ANP32A: variants seen among roughly 807,000 people sequenced by gnomAD.
ANP32A encodes acidic leucine-rich nuclear phosphoprotein 32 family member A.
In ANP32A, 1 loss-of-function variant was observed where a neutral mutation model predicts 33.9. The ratio of observed to expected loss-of-function variants is 0.03; its 90% CI spans 0.01 to 0.14. The LOEUF (loss-of-function observed/expected upper bound fraction) is 0.14. Among genes scored for constraint, ANP32A ranks in the 10% least tolerant of loss-of-function variants. The pLI is 1.00. For missense variants in ANP32A, 155 were observed against 306.0 expected, an observed-to-expected ratio of 0.51 and a Z score of 3.68; for synonymous variants, 115 against 120.5, an observed-to-expected ratio of 0.95 and a Z score of 0.30.
chr15:68,785,725 C>A (rs1354872886), intron 3 of ANP32A, among the ~76,000 whole-genome samples: 2 of 152,148 alleles, frequency 1.3e-5, no homozygotes, highest in Non-Finnish European at 2.9e-5. Context: ...CACGTGTGAT[C>A]TGGGCAGGGG....
chr15:68,818,683 G>A (rs1356595727), intron 1 of ANP32A, among the ~76,000 whole-genome samples: 1 of 152,070 alleles, frequency 6.6e-6, no homozygotes, highest in East Asian at 1.9e-4. Context: ...CTTGCTCCCG[G>A]GGGGCCGGCA....
chr15:68,782,056 G>A lies in ANP32A; in HGVS notation c.624+900C>T, dbSNP rs140378723. Among the ~76,000 whole-genome samples, 106 of 152,320 alleles carry A rather than the reference G, an allele frequency of 7.0e-4. 1 individual carries two copies. Among genetic ancestry groups the A allele is most frequent in the African/African-American group, 2.4e-3 (101 of 41,578 alleles). ...GAAACTGCGGGGGGAGTTGGGAGGG[G>A]ACACAGGCGCCTTGTCCATGCTATT... On this transcript the variant is annotated intron_variant, in intron 5 of 6. Coordinates refer to ENST00000465139, the MANE Select transcript of ANP32A (RefSeq NM_006305.4).
chr15:68,811,479 T>C (rs542571748), intron 1 of ANP32A, among the ~76,000 whole-genome samples: 13 of 152,222 alleles, frequency 8.5e-5, no homozygotes, highest in Admixed American at 7.2e-4. Flanking sequence ...TTCCATTTTC[T>C]GTGAAGAGGA....
chr15:68,786,252 CTTTTT>C (rs558065991), intron 3 of ANP32A, among the ~76,000 whole-genome samples: 1,311 of 90,132 alleles, frequency 0.015, 20 homozygotes, highest in African/African-American at 0.055. Flanking sequence ...GCTGCTGCTG[CTTTTT>C]TTTTTTTTTT....
intron 1 of ANP32A, among the ~76,000 whole-genome samples, chr15:68,792,909 A>G (rs775854165): frequency 1.3e-5 from 2 of 152,152 alleles, no homozygotes; most frequent in Non-Finnish European, 2.9e-5. Flanking sequence ...CTGGCTTCTC[A>G]CTGCCTTGGG....
chr15:68,809,752 G>A (rs534969747), intron 1 of ANP32A, among the ~76,000 whole-genome samples: 1 of 152,222 alleles, frequency 6.6e-6, no homozygotes, highest in African/African-American at 2.4e-5. Flanking sequence ...TGTACCAACC[G>A]GTAGGTGATG....
At chr15:68,797,279 G>A (rs1894075479) in intron 1 of ANP32A, among the ~76,000 whole-genome samples, 2 of 151,994 alleles carry the variant, frequency 1.3e-5, no homozygotes, top group South Asian at 2.1e-4. Context: ...GGGGTGGGAG[G>A]AGAGGAGAGA....
At chr15:68,808,254 C>G (rs1015860127) in intron 1 of ANP32A, among the ~76,000 whole-genome samples, 1 of 152,300 alleles carries the variant, frequency 6.6e-6, no homozygotes. Flanking sequence ...GGGCACCACC[C>G]TCAGAGACTG....
chr15:68,818,089 G>A (rs893822444), intron 1 of ANP32A: 1 of 152,804 alleles, frequency 6.5e-6, no homozygotes. Flanking sequence ...CTCAAAACCA[G>A]CCTAGAAAGC....
chr15:68,807,060 C>A (rs1270265447), intron 1 of ANP32A, among the ~76,000 whole-genome samples: 3 of 152,226 alleles, frequency 2.0e-5, no homozygotes, highest in African/African-American at 7.2e-5. Flanking sequence ...CAGATGCACA[C>A]CTAAGTGAGT....
At chr15:68,800,521 G>A (rs1273175243) in intron 1 of ANP32A, among the ~76,000 whole-genome samples, 1 of 150,906 alleles carries the variant, frequency 6.6e-6, no homozygotes, top group African/African-American at 2.4e-5. Flanking sequence ...GAGGCTGGCG[G>A]ATCATGAGGT....
chr15:68,820,227 G>C (rs1422524665), intron 1 of ANP32A, among the ~76,000 whole-genome samples: 3 of 152,158 alleles, frequency 2.0e-5, no homozygotes, highest in Non-Finnish European at 2.9e-5. Context: ...GGCGCGGGAG[G>C]GGGGCGGAAG....
intron 1 of ANP32A, chr15:68,791,051 G>A (rs1320978323): frequency 6.6e-6 from 1 of 152,216 alleles, no homozygotes; most frequent in African/African-American, 2.4e-5. Flanking sequence ...GCCGAGAAAG[G>A]TTACTCTCTC....
intron 1 of ANP32A, among the ~76,000 whole-genome samples, chr15:68,798,208 C>T (rs147220138): frequency 1.5e-3 from 234 of 152,272 alleles, no homozygotes; most frequent in African/African-American, 5.3e-3. Flanking sequence ...CCTTGGAGTC[C>T]GGGATGGACC....
chr15:68,814,799 A>G (rs1342663162), intron 1 of ANP32A, among the ~76,000 whole-genome samples: 1 of 119,290 alleles, frequency 8.4e-6, no homozygotes, highest in African/African-American at 5.4e-5. Context: ...ATTATCTGTC[A>G]TTTTCAAAGA....
intron 1 of ANP32A, among the ~76,000 whole-genome samples, chr15:68,811,848 T>C (rs376126979): frequency 1.3e-5 from 2 of 152,030 alleles, no homozygotes; most frequent in South Asian, 2.1e-4. Context: ...GCGATTCTCC[T>C]GCCTCAGCCT....
At chr15:68,786,050 G>A (rs1246916682) in intron 3 of ANP32A, among the ~76,000 whole-genome samples, 1 of 152,104 alleles carries the variant, frequency 6.6e-6, no homozygotes, top group Admixed American at 6.5e-5. Flanking sequence ...GTCCTCTTCT[G>A]CCACACTGGC....
intron 1 of ANP32A, among the ~76,000 whole-genome samples, chr15:68,817,155 C>T (rs1567041145): frequency 6.6e-6 from 1 of 152,216 alleles, no homozygotes; most frequent in Non-Finnish European, 1.5e-5. Context: ...TCGGAGGACC[C>T]GACGCGACGA....
chr15:68,814,623 TC>T (rs1388490137), intron 1 of ANP32A, among the ~76,000 whole-genome samples: 1 of 152,042 alleles, frequency 6.6e-6, no homozygotes, highest in Non-Finnish European at 1.5e-5. Flanking sequence ...TATCTCCTCC[TC>T]CCCTTGACCT....
Sources: allele counts gnomAD v4.1 joint callset (sites outside exome capture counted in the v4.1 genomes callset), GRCh38; gene constraint gnomAD v4.1.1; transcripts MANE v1.5; gene names NCBI Gene and HGNC (gene_info 2026-07-23, HGNC 2026-07-21).